The following JAK2 variants were observed in gnomAD, a reference collection of about 807,000 sequenced individuals.
JAK2 encodes the protein tyrosine-protein kinase JAK2.
JAK2 carries 86 observed loss-of-function variants against 139.3 expected under a neutral mutation model. The observed-to-expected ratio is 0.62, with a 90% CI of 0.52 to 0.74. The LOEUF is 0.74. Among genes scored for constraint, JAK2 ranks in the 30% least tolerant of loss-of-function variants. The pLI, the probability that JAK2 is intolerant of heterozygous loss-of-function variation, is 0.00. For synonymous variants in JAK2, 490 were observed against 437.7 expected (o/e 1.12, Z -1.49); for missense variants, 1,421 against 1,360.3 (o/e 1.04, Z -0.70).
intron 2 of JAK2, among the ~76,000 whole-genome samples, chr9:4,988,663 TA>T (rs1358150082): frequency 6.6e-6 from 1 of 152,216 alleles, no homozygotes; most frequent in East Asian, 1.9e-4. Flanking sequence ...AATATGTTTA[TA>T]ACTTCTGCCC....
intron 4 of JAK2, among the ~76,000 whole-genome samples, chr9:5,037,873 G>T (rs138707178): frequency 6.6e-6 from 1 of 152,008 alleles, no homozygotes; most frequent in Non-Finnish European, 1.5e-5. Flanking sequence ...AAATGAAAAG[G>T]CAAATTGTAA....
chr9:5,085,294 C>T, intron 19 of JAK2: 1 of 719,092 alleles, frequency 1.4e-6, no homozygotes, highest in Non-Finnish European at 2.6e-6. Flanking sequence ...TATGTTAGAA[C>T]ATGAGGTGAA....
intron 2 of JAK2, among the ~76,000 whole-genome samples, chr9:4,994,861 T>TA (rs1012141262): frequency 8.5e-5 from 13 of 152,264 alleles, no homozygotes; most frequent in Non-Finnish European, 1.5e-4. Flanking sequence ...TATTCTTTCA[T>TA]AAAAAAATTA....
rs187986696 is a variant in JAK2 at position 4,995,097 on chromosome 9, G to C, written c.-26+9075G>C. Among the ~76,000 whole-genome samples the C allele has an allele frequency of 3.1e-3, 468 of 152,304 alleles. 3 individuals carry two copies. Among genetic ancestry groups the C allele is most frequent in the South Asian group, 0.01 (49 of 4,828 alleles). On this transcript the variant is annotated intron_variant, in intron 2 of 24. Coordinates refer to ENST00000381652, the MANE Select transcript of JAK2 (RefSeq NM_004972.4). ...CACCTTTACTAACATTGTGTTTTCA[G>C]ATGACTTGATTGTTGCCAACTTGAG... is the stretch of plus-strand genomic sequence containing the variant.
At chr9:5,004,773 A>G (rs1316784969) in intron 2 of JAK2, among the ~76,000 whole-genome samples, 3 of 152,110 alleles carry the variant, frequency 2.0e-5, no homozygotes, top group Non-Finnish European at 2.9e-5. Flanking sequence ...CTTTTTCTCC[A>G]CACACTCACC....
intron 4 of JAK2, among the ~76,000 whole-genome samples, chr9:5,031,830 G>C (rs1441032562): frequency 1.3e-5 from 2 of 152,210 alleles, no homozygotes; most frequent in Admixed American, 1.3e-4. Context: ...CCCAGCATGG[G>C]CGATGCAGAA....
intron 19 of JAK2, among the ~76,000 whole-genome samples, chr9:5,086,365 A>C: frequency 6.6e-6 from 1 of 151,566 alleles, no homozygotes; most frequent in Admixed American, 6.5e-5. Flanking sequence ...AATCCTCTTT[A>C]TTCCTTTTTC....
In JAK2 at chr9:4,991,482, CAG is replaced by C. The variant is rs1231762930; in HGVS notation, c.-26+5461_-26+5462del. 2.6e-5 allele frequency among the ~76,000 whole-genome samples: 4 copies of C among 152,212 alleles called. No individual in the cohort carries two copies. In the East Asian group the frequency reaches 5.8e-4, roughly 22 times the overall value. ...TGAGTAAGTGCACTGTTTTGGAAAT[CAG>C]GGGATAAGGGACTGACCCTGCTCTC... On this transcript the variant is annotated intron_variant, in intron 2 of 24. Transcript: ENST00000381652.
intron 19 of JAK2, among the ~76,000 whole-genome samples, chr9:5,086,844 G>A (rs1020261434): frequency 6.6e-6 from 1 of 152,104 alleles, no homozygotes; most frequent in African/African-American, 2.4e-5. Context: ...TTTCTAGAGA[G>A]CTTCTCATAG....
Position 5,104,643 on chromosome 9 carries a change from G to A in JAK2, c.3059+13732G>A, listed in dbSNP as rs866325710. Among the ~76,000 whole-genome samples, 99 of 152,232 alleles carry A rather than the reference G, an allele frequency of 6.5e-4. 1 individual carries two copies. Among genetic ancestry groups the A allele is most frequent in the East Asian group, 2.1e-3 (11 of 5,186 alleles). On this transcript the variant is annotated intron_variant, in intron 22 of 24. Coordinates refer to ENST00000381652, the MANE Select transcript of JAK2 (RefSeq NM_004972.4). ...TAGACCAATATCCCTGATGAACGTCGATGTGAAAATCCTCAATAAAATACT... is the reference window on the plus strand; with the variant it reads ...TAGACCAATATCCCTGATGAACGTCAATGTGAAAATCCTCAATAAAATACT...
At chr9:4,999,663 T>C (rs1820812195) in intron 2 of JAK2, among the ~76,000 whole-genome samples, 1 of 151,890 alleles carries the variant, frequency 6.6e-6, no homozygotes, top group African/African-American at 2.4e-5. Flanking sequence ...AGTCTGATGT[T>C]CAAGGGCAGG....
intron 2 of JAK2, among the ~76,000 whole-genome samples, chr9:4,995,238 G>A (rs965230663): frequency 9.9e-5 from 15 of 152,068 alleles, no homozygotes; most frequent in African/African-American, 3.6e-4. Flanking sequence ...CTTTTACTTT[G>A]CTTTGTGGGA....
chr9:5,020,354 G>C (rs1822335788), intron 2 of JAK2, among the ~76,000 whole-genome samples: 1 of 152,200 alleles, frequency 6.6e-6, no homozygotes, highest in Non-Finnish European at 1.5e-5. Context: ...AACATGCTTG[G>C]ATACGTGGGA....
chr9:5,069,059 C>CA lies in JAK2; in HGVS notation c.1370dup (p.Asn457LysfsTer2). 1 of 1,600,490 alleles carries CA rather than the reference C, an allele frequency of 6.2e-7. No homozygotes were observed. The highest frequency in any genetic ancestry group is 8.5e-7 in the Non-Finnish European group (1 of 1,173,850). On this transcript the variant is annotated frameshift_variant, in exon 11 of 25. Transcript: ENST00000381652. LOFTEE classifies it high-confidence loss of function. ...ATTGAATATAAACACTGTTTGATTA[C>CA]AAAAAATGAGAATGAAGAGTACAAC...
intron 22 of JAK2, 92 bp downstream of exon 22, chr9:5,091,003 C>T (rs541620694): frequency 3.7e-5 from 35 of 951,008 alleles, no homozygotes; most frequent in Middle Eastern, 3.4e-4. Context: ...TCTATATTTA[C>T]AGTAACAGTG....
intron 22 of JAK2, among the ~76,000 whole-genome samples, chr9:5,104,540 A>C (rs1821796822): frequency 6.6e-6 from 1 of 152,194 alleles, no homozygotes; most frequent in South Asian, 2.1e-4. Context: ...AAAAGAGGGA[A>C]TCCTCCCTAA....
chr9:5,086,978 C>CG (rs1365347878), intron 19 of JAK2, among the ~76,000 whole-genome samples: 5 of 152,096 alleles, frequency 3.3e-5, no homozygotes, highest in Non-Finnish European at 7.3e-5. Flanking sequence ...TTTCCTAGTA[C>CG]GGGAACAATA....
chr9:5,123,902 T>G (rs1258937246), intron 23 of JAK2, among the ~76,000 whole-genome samples: 2 of 150,944 alleles, frequency 1.3e-5, no homozygotes, highest in African/African-American at 4.9e-5. Flanking sequence ...TTTTTTTTTG[T>G]CATTCTGACT....
chr9:5,049,955 T>C (rs1284201434), intron 5 of JAK2, among the ~76,000 whole-genome samples: 4 of 152,194 alleles, frequency 2.6e-5, no homozygotes, highest in African/African-American at 9.7e-5. Flanking sequence ...AATGCAGTAT[T>C]ACAATCTTAT....
Sources: gnomAD v4.1 joint callset for allele counts (sites outside exome capture counted in the v4.1 genomes callset) on GRCh38, gnomAD v4.1.1 for gene constraint, MANE v1.5 for transcripts, NCBI Gene and HGNC (gene_info 2026-07-23, HGNC 2026-07-21) for gene names.